Variants in RARB observed in about 807,000 individuals in gnomAD.
The protein encoded by RARB is retinoic acid receptor beta.
In RARB, 17 loss-of-function variants were observed where a neutral mutation model predicts 51.9. The ratio of observed to expected loss-of-function variants is 0.33; its 90% CI spans 0.22 to 0.49. The LOEUF (loss-of-function observed/expected upper bound fraction) is 0.49, where lower values mean the gene tolerates loss of function less well. RARB is among the 20% of genes least tolerant of loss of function. The pLI is 0.99. For synonymous variants in RARB, 215 were observed against 195.4 expected (o/e 1.10, Z -0.84); for missense variants, 369 against 550.8 (o/e 0.67, Z 3.30).
chr3:25,144,734 A>G (rs571718753), intron 4 of RARB, among the ~76,000 whole-genome samples: 12 of 152,348 alleles, frequency 7.9e-5, no homozygotes, highest in Admixed American at 5.9e-4. Context: ...CACATTTTCA[A>G]TGTCTGGTAT....
chr3:25,507,362 C>T (rs1282852880), intron 3 of RARB, among the ~76,000 whole-genome samples: 5 of 152,192 alleles, frequency 3.3e-5, no homozygotes, highest in South Asian at 2.1e-4. Context: ...GTATTCAAAT[C>T]GCAGTCATTC....
intron 2 of RARB, among the ~76,000 whole-genome samples, chr3:25,005,819 A>G (rs997860372): frequency 6.6e-6 from 1 of 152,124 alleles, no homozygotes; most frequent in Non-Finnish European, 1.5e-5. Flanking sequence ...GTCAGATTGT[A>G]TCATTTTTCT....
intron 2 of RARB, among the ~76,000 whole-genome samples, chr3:25,044,766 C>A (rs1311161343): frequency 1.3e-5 from 2 of 152,150 alleles, no homozygotes; most frequent in African/African-American, 4.8e-5. Context: ...ATTCCACAAC[C>A]AAATAGAACT....
intron 2 of RARB, among the ~76,000 whole-genome samples, chr3:24,978,652 C>G (rs146885964): frequency 6.6e-6 from 1 of 151,436 alleles, no homozygotes; most frequent in Non-Finnish European, 1.5e-5. Flanking sequence ...CTCTTTTCTT[C>G]TTTATTAATC....
chr3:25,573,017 G>A (rs911331936), intron 4 of RARB, among the ~76,000 whole-genome samples: 2 of 152,052 alleles, frequency 1.3e-5, no homozygotes, highest in Admixed American at 6.5e-5. Context: ...CCACTCCTGC[G>A]AGCGGTCCCT....
At chr3:25,467,157 T>C (rs1304214112) in intron 2 of RARB, among the ~76,000 whole-genome samples, 1 of 152,234 alleles carries the variant, frequency 6.6e-6, no homozygotes, top group Non-Finnish European at 1.5e-5. Context: ...ATTAGAAGTA[T>C]CCAGGTAATT....
At chr3:25,445,995 T>C (rs1708914111) in intron 1 of RARB, among the ~76,000 whole-genome samples, 1 of 152,224 alleles carries the variant, frequency 6.6e-6, no homozygotes, top group South Asian at 2.1e-4. Context: ...TCTCCCTGGC[T>C]CTACGCCAGG....
chr3:25,123,100 G>T (rs535790653), intron 3 of RARB, among the ~76,000 whole-genome samples: 130 of 152,202 alleles, frequency 8.5e-4, no homozygotes, highest in South Asian at 1.7e-3. Context: ...TGGCACTTGG[G>T]GTGTCGGCAG....
At chr3:25,521,360 C>T (rs1296937017) in intron 3 of RARB, among the ~76,000 whole-genome samples, 1 of 152,140 alleles carries the variant, frequency 6.6e-6, no homozygotes, top group Non-Finnish European at 1.5e-5. Context: ...GCAAGCATCA[C>T]CTCCCATCCA....
chr3:24,964,399 C>G (rs567122589), intron 2 of RARB, among the ~76,000 whole-genome samples: 1 of 152,058 alleles, frequency 6.6e-6, no homozygotes, highest in Non-Finnish European at 1.5e-5. Context: ...CTTTGCAATA[C>G]TGTTGGTATT....
chr3:25,394,005 A>G lies in RARB; in HGVS notation c.179-67188A>G, dbSNP rs546069282. ...CTAGTTCCTTGAGGTGTGACCTTAGATTGTCTATTTGTGTTCTTTTTGATG... is the reference window on the plus strand; with the variant it reads ...CTAGTTCCTTGAGGTGTGACCTTAGGTTGTCTATTTGTGTTCTTTTTGATG... On this transcript the variant is annotated intron_variant, in intron 5 of 11. Transcript: ENST00000383772. Among the ~76,000 whole-genome samples the G allele has an allele frequency of 5.9e-5, 9 of 151,702 alleles. No individual in the cohort carries two copies. The South Asian group carries it at 1.5e-3, about 25-fold the overall frequency.
chr3:25,593,569 C>T lies in RARB; in HGVS notation c.853C>T (p.Leu285=), dbSNP rs1559483741. 6.2e-7 allele frequency: 1 copy of T among 1,614,078 alleles called. No homozygotes were observed. Among genetic ancestry groups the T allele is most frequent in the Non-Finnish European group, 8.5e-7 (1 of 1,179,976 alleles). ...DTMTFSDGLT[L]NRTQMHNAGF... Reference sequence around the variant, plus strand: ...CATGACTTTCTCAGACGGCCTTACCCTAAATCGAACTCAGATGCACAATGC... The same window carrying T: ...CATGACTTTCTCAGACGGCCTTACCTTAAATCGAACTCAGATGCACAATGC... Residue 285 remains leucine (L), a synonymous_variant, in exon 6 of 8, where the codon CTA becomes TTA. Transcript: ENST00000330688.
chr3:25,101,458 T>C (rs970642438), intron 3 of RARB, among the ~76,000 whole-genome samples: 1 of 152,118 alleles, frequency 6.6e-6, no homozygotes, highest in African/African-American at 2.4e-5. Flanking sequence ...TTCAAAGTTA[T>C]ATATATTATA....
At chr3:24,970,115 A>G (rs1260244737) in intron 2 of RARB, among the ~76,000 whole-genome samples, 1 of 152,100 alleles carries the variant, frequency 6.6e-6, no homozygotes, top group African/African-American at 2.4e-5. Flanking sequence ...CCAAGTAGCC[A>G]CAGACAACAG....
chr3:25,279,630 G>A (rs1703474162), intron 5 of RARB, among the ~76,000 whole-genome samples: 2 of 146,414 alleles, frequency 1.4e-5, no homozygotes, highest in East Asian at 1.9e-4. Context: ...GAGAAAGATT[G>A]GGACCAAAAG....
At chr3:25,256,746 T>C (rs188122798) in intron 5 of RARB, among the ~76,000 whole-genome samples, 2 of 152,160 alleles carry the variant, frequency 1.3e-5, no homozygotes, top group Admixed American at 1.3e-4. Context: ...AGAAACCAAT[T>C]TGGCTACATA....
rs558126401 is a variant in RARB, at chr3:25,124,583, C to A, written c.-327-7578C>A. On this transcript the variant is annotated intron_variant, in intron 3 of 11. Coordinates refer to the RARB transcript ENST00000383772. ...GAGTCAAAATGACTGTTACAGAATT[C>A]TTTTCCCCTTGGAAACAGCAGTATT... Among the ~76,000 whole-genome samples, 7 of 152,292 alleles carry A rather than the reference C, an allele frequency of 4.6e-5. No homozygotes were observed. The South Asian group carries it at 1.0e-3, about 23-fold the overall frequency.
At chr3:25,043,693 CAT>C (rs1559445384) in intron 2 of RARB, among the ~76,000 whole-genome samples, 1 of 152,012 alleles carries the variant, frequency 6.6e-6, no homozygotes, top group African/African-American at 2.4e-5. Context: ...ATCTGAGTAG[CAT>C]ATTAAACATT....
At chr3:25,392,678 A>C (rs13325036) in intron 5 of RARB, among the ~76,000 whole-genome samples, 166 of 152,004 alleles carry the variant, frequency 1.1e-3, no homozygotes, top group African/African-American at 3.8e-3. Flanking sequence ...GTATTTATTT[A>C]ATTCTCAGCT....
Sources: allele counts gnomAD v4.1 joint callset (sites outside exome capture counted in the v4.1 genomes callset), GRCh38; gene constraint gnomAD v4.1.1; transcripts MANE v1.5; gene names NCBI Gene and HGNC (gene_info 2026-07-23, HGNC 2026-07-21).